ACBD6: variants seen among roughly 807,000 people sequenced by gnomAD.
The protein encoded by ACBD6 is acyl-CoA-binding domain-containing protein 6.
ACBD6 carries 28 observed loss-of-function variants against 37.2 expected under a neutral mutation model. The ratio of observed to expected loss-of-function variants is 0.75; its 90% CI spans 0.56 to 1.03. ACBD6 has a LOEUF of 1.03. Ranked by LOEUF, ACBD6 falls within the 50% of genes least tolerant of loss-of-function variation. The pLI is 0.00. For missense variants in ACBD6, 340 were observed against 337.4 expected, an observed-to-expected ratio of 1.01 and a Z score of -0.06; for synonymous variants, 113 against 126.8, an observed-to-expected ratio of 0.89 and a Z score of 0.73.
intron 6 of ACBD6, among the ~76,000 whole-genome samples, chr1:180,364,565 T>A (rs771884179): frequency 3.3e-5 from 5 of 152,064 alleles, no homozygotes; most frequent in African/African-American, 7.2e-5. Flanking sequence ...ATTTAACAGG[T>A]AGGAGAAATT....
At chr1:180,426,804 C>T (rs1245994981) in intron 4 of ACBD6, among the ~76,000 whole-genome samples, 1 of 152,196 alleles carries the variant, frequency 6.6e-6, no homozygotes, top group African/African-American at 2.4e-5. Context: ...TGCTAAGTAT[C>T]AAGTGAGATA....
intron 3 of ACBD6, among the ~76,000 whole-genome samples, chr1:180,473,899 T>C (rs1650673286): frequency 6.6e-6 from 1 of 152,102 alleles, no homozygotes; most frequent in African/African-American, 2.4e-5. Context: ...TTGATTAAAA[T>C]ATTTCTTATA....
chr1:180,444,832 A>C (rs1649417666), intron 3 of ACBD6, among the ~76,000 whole-genome samples: 1 of 152,214 alleles, frequency 6.6e-6, no homozygotes, highest in African/African-American at 2.4e-5. Context: ...GGAAAGGATA[A>C]GTTGTTGGCT....
intron 6 of ACBD6, among the ~76,000 whole-genome samples, chr1:180,354,490 G>T (rs942422220): frequency 3.3e-5 from 5 of 152,054 alleles, no homozygotes; most frequent in South Asian, 4.1e-4. Flanking sequence ...AACATGAAAA[G>T]ATTTTTATTT....
chr1:180,443,113 C>T (rs1649346490), intron 3 of ACBD6, among the ~76,000 whole-genome samples: 1 of 151,992 alleles, frequency 6.6e-6, no homozygotes, highest in Non-Finnish European at 1.5e-5. Flanking sequence ...TTATGTTGGA[C>T]TTTGTTTTGG....
chr1:180,498,772 A>C (rs12058221), intron 1 of ACBD6, among the ~76,000 whole-genome samples: 15,755 of 151,784 alleles, frequency 0.1, 1,162 homozygotes, highest in African/African-American at 0.2. Context: ...GCAAGAGAAT[A>C]GCTTGAACCT....
chr1:180,356,590 T>C (rs996870304), intron 6 of ACBD6, among the ~76,000 whole-genome samples: 3 of 151,544 alleles, frequency 2.0e-5, no homozygotes, highest in Non-Finnish European at 2.9e-5. Context: ...TTTCCGCCTG[T>C]AATCCCAGCA....
At chr1:180,492,753 T>A (rs1034950706) in intron 2 of ACBD6, among the ~76,000 whole-genome samples, 9 of 152,206 alleles carry the variant, frequency 5.9e-5, no homozygotes, top group African/African-American at 1.9e-4. Flanking sequence ...TCTCATAAAT[T>A]AACTGTGCTT....
intron 2 of ACBD6, among the ~76,000 whole-genome samples, chr1:180,495,142 G>A (rs538478251): frequency 6.6e-6 from 1 of 152,310 alleles, no homozygotes; most frequent in Non-Finnish European, 1.5e-5. Context: ...TCCCTCCAGA[G>A]GGGAGAAGTG....
At chr1:180,494,240 A>C (rs1309363725) in intron 2 of ACBD6, among the ~76,000 whole-genome samples, 1 of 152,196 alleles carries the variant, frequency 6.6e-6, no homozygotes, top group East Asian at 1.9e-4. Flanking sequence ...GTTCTTGCAT[A>C]AACTATTATT....
At chr1:180,454,704 GC>G (rs1463312824) in intron 3 of ACBD6, among the ~76,000 whole-genome samples, 1 of 152,104 alleles carries the variant, frequency 6.6e-6, no homozygotes, top group African/African-American at 2.4e-5. Context: ...CAAAAAGTGG[GC>G]AAAGGATATC....
chr1:180,451,862 C>T (rs1187136118), intron 3 of ACBD6, among the ~76,000 whole-genome samples: 1 of 152,060 alleles, frequency 6.6e-6, no homozygotes, highest in Non-Finnish European at 1.5e-5. Flanking sequence ...TGGGAGAACA[C>T]AGTGGGTGAA....
At chr1:180,416,117 T>C (rs1205132210) in intron 4 of ACBD6, among the ~76,000 whole-genome samples, 1 of 152,182 alleles carries the variant, frequency 6.6e-6, no homozygotes, top group Non-Finnish European at 1.5e-5. Flanking sequence ...TTGGGCTTAC[T>C]TGTTAAATAC....
intron 5 of ACBD6, among the ~76,000 whole-genome samples, chr1:180,409,142 T>TA (rs139466026): frequency 0.16 from 23,979 of 151,716 alleles, 1,960 homozygotes; most frequent in Middle Eastern, 0.22. Flanking sequence ...AGAATCTGTC[T>TA]AAAAAAAAGA....
chr1:180,499,997 C>T (rs964957348), intron 1 of ACBD6, among the ~76,000 whole-genome samples: 1 of 151,942 alleles, frequency 6.6e-6, no homozygotes, highest in Non-Finnish European at 1.5e-5. Context: ...TCTGTAATAA[C>T]AGTACTTCAG....
At position 180,459,982 on chromosome 1, in the gene ACBD6, T is replaced by G. The variant is rs901509554; in HGVS notation, c.385-29720A>C. ...CAGACTGCTTCTTTTTTTTTTTTTT[T>G]TTTTTTTTTTAATTATACTTTAAGT... On this transcript the variant is annotated intron_variant, in intron 3 of 7. Coordinates refer to ENST00000367595, the MANE Select transcript of ACBD6 (RefSeq NM_032360.4). Among the ~76,000 whole-genome samples the G allele has an allele frequency of 4.7e-3, 706 of 150,832 alleles. 1 individual carries two copies. Among genetic ancestry groups the G allele is most frequent in the Non-Finnish European group, 7.6e-3 (516 of 67,604 alleles).
At chr1:180,332,870 T>C (rs1294113573) in intron 6 of ACBD6, among the ~76,000 whole-genome samples, 1 of 152,170 alleles carries the variant, frequency 6.6e-6, no homozygotes, top group Non-Finnish European at 1.5e-5. Context: ...GACCTTTTCT[T>C]AGTTAAGCCA....
In ACBD6 at chr1:180,472,421, T is replaced by C. The variant is rs1394369954; in HGVS notation, c.384+19848A>G. On this transcript the variant is annotated intron_variant, in intron 3 of 7. Coordinates refer to ENST00000367595, the MANE Select transcript of ACBD6 (RefSeq NM_032360.4). ...CTTCATCAGGCATTCCTGGAAACTC[T>C]GGATAATAAAGCCAGAGGGTAGTTG... is the stretch of plus-strand genomic sequence containing the variant. Among the ~76,000 whole-genome samples, 5 of 152,320 alleles carry C rather than the reference T, an allele frequency of 3.3e-5. No homozygotes were observed. In the East Asian group the frequency reaches 9.6e-4, roughly 29 times the overall value.
intron 3 of ACBD6, among the ~76,000 whole-genome samples, chr1:180,436,156 G>C (rs952981342): frequency 2.0e-5 from 3 of 152,140 alleles, no homozygotes; most frequent in African/African-American, 7.2e-5. Flanking sequence ...GGTAGACTTG[G>C]GGGTAACTTG....
Sources: allele counts gnomAD v4.1 joint callset (sites outside exome capture counted in the v4.1 genomes callset), GRCh38; gene constraint gnomAD v4.1.1; transcripts MANE v1.5; gene names NCBI Gene and HGNC (gene_info 2026-07-23, HGNC 2026-07-21).